Variants in RECK observed in about 807,000 individuals in gnomAD.
The protein encoded by RECK is reversion inducing cysteine rich protein with kazal motifs.
A neutral mutation model predicts 115.1 loss-of-function variants in RECK; 69 were observed. That is an observed-to-expected ratio of 0.60 (90% CI 0.49 to 0.73). RECK has a LOEUF of 0.73. Among genes scored for constraint, RECK ranks in the 30% least tolerant of loss-of-function variants. RECK has a pLI of 0.00. For synonymous variants in RECK, 414 were observed against 419.7 expected, an observed-to-expected ratio of 0.99 and a Z score of 0.17; for missense variants, 1,047 against 1,203.7, an observed-to-expected ratio of 0.87 and a Z score of 1.93.
At chr9:36,056,405 T>G (rs902676930) in intron 2 of RECK, among the ~76,000 whole-genome samples, 38 of 152,214 alleles carry the variant, frequency 2.5e-4, no homozygotes, top group African/African-American at 8.7e-4. Context: ...TTAAATATCT[T>G]TTGATCTGTA....
rs749507028 is a variant in RECK at position 36,063,871 on chromosome 9, A to G, written c.348A>G (p.Ala116=). 3.7e-6 allele frequency: 6 copies of G among 1,614,050 alleles called. No individual in the cohort carries two copies. In the Admixed American group the frequency reaches 6.7e-5, roughly 18 times the overall value. Residue 116 remains alanine (A), a synonymous_variant, in exon 5 of 21, where the codon GCA becomes GCG. Coordinates refer to ENST00000377966, the MANE Select transcript of RECK (RefSeq NM_021111.3). ...CTATTGCCTTGGAGTGTCGACAGGCATGCAAGCAGGTAACACTGGGTAGTC... is the reference window on the plus strand; with the variant it reads ...CTATTGCCTTGGAGTGTCGACAGGCGTGCAAGCAGGTAACACTGGGTAGTC... ...ELAIALECRQ[A]CKQASSKNDI... is the part of the protein sequence containing the mutation.
rs143750261 is a variant in RECK at position 36,120,635 on chromosome 9, C to T, written c.2465-28C>T. ...AATTCTCTTTGTTTCTAATTCTGAA[C>T]GCACATAAAATGGTTTCTGTTATAC... On this transcript the variant is annotated intron_variant, in intron 18 of 20. Coordinates refer to ENST00000377966, the MANE Select transcript of RECK (RefSeq NM_021111.3). 6.2e-5 allele frequency: 95 copies of T among 1,526,088 alleles called. No individual in the cohort carries two copies. In the African/African-American group the frequency reaches 8.5e-4, roughly 14 times the overall value. The allele number at this position is 1,526,088 out of a possible 1,614,324, so 94.5% of individuals were successfully genotyped here.
chr9:36,056,121 T>G (rs762538007), intron 2 of RECK, among the ~76,000 whole-genome samples: 1 of 152,122 alleles, frequency 6.6e-6, no homozygotes, highest in Non-Finnish European at 1.5e-5. Flanking sequence ...CAGTTGTGTT[T>G]CATTTAAATC....
At chr9:36,072,422 T>G in intron 6 of RECK, among the ~76,000 whole-genome samples, 1 of 152,170 alleles carries the variant, frequency 6.6e-6, no homozygotes, top group Middle Eastern at 3.2e-3. Flanking sequence ...GTTCTAAGAA[T>G]AGAGGAGACC....
intron 6 of RECK, among the ~76,000 whole-genome samples, chr9:36,069,480 CAAA>C (rs60192603): frequency 1.2e-5 from 1 of 84,930 alleles, no homozygotes; most frequent in Non-Finnish European, 3.1e-5. Flanking sequence ...GTGGAGGTTG[CAAA>C]AAAAAAAAAA....
Position 36,083,597 on chromosome 9 carries a change from C to A in RECK, c.637+35C>A, listed in dbSNP as rs1469205313. On this transcript the variant is annotated intron_variant, in intron 8 of 20. Coordinates refer to ENST00000377966, the MANE Select transcript of RECK (RefSeq NM_021111.3). ...AGGGACATATTCTTCTCATTTCAAT[C>A]TTTGGTAAAATCGTTTGTAAAAAGA... The A allele has an allele frequency of 1.9e-6, 3 of 1,587,390 alleles. No individual in the cohort carries two copies. The East Asian group carries it at 6.7e-5, about 36-fold the overall frequency.
chr9:36,050,423 T>C (rs1821240526), intron 1 of RECK, among the ~76,000 whole-genome samples: 1 of 152,186 alleles, frequency 6.6e-6, no homozygotes, highest in Non-Finnish European at 1.5e-5. Flanking sequence ...TTTATATTCA[T>C]AATATATCCA....
intron 3 of RECK, 116 bp from the exon 4 acceptor site, chr9:36,060,003 T>C: frequency 2.3e-6 from 2 of 867,484 alleles, no homozygotes; most frequent in Non-Finnish European, 3.8e-6. Flanking sequence ...TCTAGAACAT[T>C]GACTGTGTAG....
chr9:36,073,978 A>G (rs1822345461), intron 6 of RECK, among the ~76,000 whole-genome samples: 1 of 152,090 alleles, frequency 6.6e-6, no homozygotes, highest in Non-Finnish European at 1.5e-5. Context: ...GGGTGGAGGT[A>G]TTTGCAGCGT....
chr9:36,044,929 A>G (rs561321714), intron 1 of RECK, among the ~76,000 whole-genome samples: 1 of 152,204 alleles, frequency 6.6e-6, no homozygotes, highest in South Asian at 2.1e-4. Flanking sequence ...CTTGATTAGA[A>G]GAGGGATGTC....
At chr9:36,050,837 C>G (rs971790565) in intron 1 of RECK, among the ~76,000 whole-genome samples, 1 of 152,146 alleles carries the variant, frequency 6.6e-6, no homozygotes, top group Non-Finnish European at 1.5e-5. Context: ...GGCTCGTTCC[C>G]TTACTTTATG....
chr9:36,037,610 A>C (rs1820717829), intron 1 of RECK, among the ~76,000 whole-genome samples: 1 of 151,524 alleles, frequency 6.6e-6, no homozygotes, highest in East Asian at 2.0e-4. Context: ...AAAATCAGTA[A>C]ACCCTGTCCC....
intron 1 of RECK, among the ~76,000 whole-genome samples, chr9:36,042,864 G>C (rs1360080194): frequency 6.6e-6 from 1 of 151,774 alleles, no homozygotes; most frequent in Admixed American, 6.6e-5. Flanking sequence ...TCTAATTATG[G>C]CTATTCTTGC....
intron 16 of RECK, among the ~76,000 whole-genome samples, chr9:36,112,983 CAG>C (rs1824122255): frequency 6.6e-6 from 1 of 151,878 alleles, no homozygotes; most frequent in African/African-American, 2.4e-5. Flanking sequence ...ACCTGATAGT[CAG>C]GGGAAATTTT....
intron 2 of RECK, among the ~76,000 whole-genome samples, chr9:36,057,525 C>G (rs924092367): frequency 6.6e-6 from 1 of 152,168 alleles, no homozygotes; most frequent in Non-Finnish European, 1.5e-5. Flanking sequence ...AGGTTTTCCA[C>G]TTATAAAAGG....
At chr9:36,067,973 A>C (rs918154415) in intron 6 of RECK, among the ~76,000 whole-genome samples, 11 of 152,186 alleles carry the variant, frequency 7.2e-5, no homozygotes, top group African/African-American at 2.4e-4. Context: ...TGCAGGAGGA[A>C]AAGAGAAGAC....
intron 6 of RECK, among the ~76,000 whole-genome samples, chr9:36,074,041 A>C (rs1822348609): frequency 6.6e-6 from 1 of 152,098 alleles, no homozygotes. Context: ...ACCCCCCACA[A>C]AAAAAGCTGG....
chr9:36,037,144 G>A, intron 1 of RECK, 46 bp downstream of exon 1: 1 of 1,109,042 alleles, frequency 9.0e-7, no homozygotes, highest in Non-Finnish European at 1.1e-6. Context: ...GGGAGCGGCC[G>A]CCACAGCGCT....
In RECK at chr9:36,102,104, G is replaced by A. The variant is rs199723720; in HGVS notation, c.1309G>A (p.Val437Met). The A allele has an allele frequency of 7.4e-6, 12 of 1,612,802 alleles. No individual in the cohort carries two copies. The highest frequency in any genetic ancestry group is 5.9e-6 in the Non-Finnish European group (7 of 1,179,564). Residue 437 changes from valine to methionine, a missense_variant, in exon 12 of 21, where the codon GTG becomes ATG. By Grantham distance (21) the Val-to-Met change is conservative. Coordinates refer to ENST00000377966, the MANE Select transcript of RECK (RefSeq NM_021111.3). The part of the protein sequence containing the change: ...RGSIICKSDC[V>M]EILKKCGDQN... ...CATTTTTTTTTCAAGATCAGATTGT[G>A]TGGAGATTCTTAAAAAATGTGGAGA... is the stretch of plus-strand genomic sequence containing the variant.
Sources: allele counts gnomAD v4.1 joint callset (sites outside exome capture counted in the v4.1 genomes callset), GRCh38; gene constraint gnomAD v4.1.1; transcripts MANE v1.5; gene names NCBI Gene and HGNC (gene_info 2026-07-23, HGNC 2026-07-21).